Variants in TIPIN observed in about 807,000 individuals in gnomAD.
TIPIN encodes the protein TIMELESS-interacting protein.
Under a neutral mutation model 35.6 loss-of-function variants are expected in TIPIN, and 29 were observed. The observed-to-expected ratio is 0.82, with a 90% confidence interval of 0.61 to 1.11. TIPIN has a LOEUF of 1.11. Ranked by LOEUF, TIPIN falls within the 50% of genes most tolerant of loss-of-function variation. The pLI is 0.00. For missense variants in TIPIN, 296 were observed against 345.4 expected, an observed-to-expected ratio of 0.86 and a Z score of 1.13; for synonymous variants, 102 against 121.5, an observed-to-expected ratio of 0.84 and a Z score of 1.06.
At chr15:66,359,200 A>C (rs1244049492), upstream of TIPIN, among the ~76,000 whole-genome samples, 2 of 140,308 alleles carry the variant, frequency 1.4e-5, no homozygotes, top group Middle Eastern at 3.5e-3. Flanking sequence ...CACACACACA[A>C]AGATAGAAAG....
At position 66,337,438 on chromosome 15, in the gene TIPIN, C is replaced by T. The variant is rs1245253870; in HGVS notation, c.683-257G>A. Reference sequence around the variant, plus strand: ...CCGGGTTCAAGTGATTCTCCTGCCTCAGCCTCCCGAGTAGCTGGGATTACA... The same window carrying T: ...CCGGGTTCAAGTGATTCTCCTGCCTTAGCCTCCCGAGTAGCTGGGATTACA... On this transcript the variant is annotated intron_variant, in intron 7 of 7. Coordinates refer to ENST00000261881, the MANE Select transcript of TIPIN (RefSeq NM_017858.3). Among the ~76,000 whole-genome samples, 6 of 150,786 alleles carry T rather than the reference C, an allele frequency of 4.0e-5. No homozygotes were observed. In the South Asian group the frequency reaches 6.3e-4, roughly 16 times the overall value.
upstream of TIPIN, among the ~76,000 whole-genome samples, chr15:66,358,427 CTCTG>C (rs751520504): frequency 3.2e-4 from 48 of 151,648 alleles, no homozygotes; most frequent in Middle Eastern, 3.4e-3. Context: ...CTTTCTTTCT[CTCTG>C]TCTTTTTTTT....
chr15:66,356,920 T>C (rs1479700486), upstream of TIPIN, among the ~76,000 whole-genome samples: 1 of 146,564 alleles, frequency 6.8e-6, no homozygotes, highest in Non-Finnish European at 1.5e-5. Context: ...GGGGTTTTTC[T>C]TTTTTTTTTT....
At chr15:66,355,105 C>T (rs1202150040) in intron 1 of TIPIN, among the ~76,000 whole-genome samples, 1 of 145,534 alleles carries the variant, frequency 6.9e-6, no homozygotes, top group Admixed American at 7.2e-5. Context: ...GCGATCTCTG[C>T]TCACTGCAAG....
chr15:66,370,016 G>C (rs971620321), intron 1 of TIPIN, among the ~76,000 whole-genome samples: 8 of 152,180 alleles, frequency 5.3e-5, no homozygotes, highest in African/African-American at 1.9e-4. Flanking sequence ...GTATTTGAAT[G>C]AATGTCCTGG....
intron 6 of TIPIN, among the ~76,000 whole-genome samples, chr15:66,348,570 C>G (rs2093144445): frequency 6.6e-6 from 1 of 151,260 alleles, no homozygotes; most frequent in African/African-American, 2.4e-5. Flanking sequence ...TGCCTGTGAT[C>G]CCAGCTACTC....
intron 1 of TIPIN, among the ~76,000 whole-genome samples, chr15:66,364,158 CTTTTTTTTTTTTT>C (rs747825457): frequency 1.4e-5 from 1 of 73,794 alleles, no homozygotes; most frequent in African/African-American, 5.9e-5. Flanking sequence ...TCTTTCTTTT[CTTTTTTTTTTTTT>C]TTTTTTTTTT....
chr15:66,354,497 G>A (rs1213738444), intron 1 of TIPIN, among the ~76,000 whole-genome samples: 1 of 151,968 alleles, frequency 6.6e-6, no homozygotes, highest in Admixed American at 6.6e-5. Flanking sequence ...TCATCCACTC[G>A]TCTCCTTCAA....
intron 1 of TIPIN, among the ~76,000 whole-genome samples, chr15:66,378,550 C>T (rs549862054): frequency 1.1e-4 from 17 of 152,124 alleles, no homozygotes; most frequent in Middle Eastern, 3.4e-3. Context: ...GGTGTTTTTT[C>T]TCCATGGAGA....
Position 66,337,029 on chromosome 15 carries a change from G to A in TIPIN, c.835C>T (p.Leu279=), listed in dbSNP as rs1193707357. 1.2e-6 allele frequency: 2 copies of A among 1,614,074 alleles called. No homozygotes were observed. The highest frequency in any genetic ancestry group is 4.5e-5 in the East Asian group (2 of 44,866). ...TGCACATTTTTAAAAGACTGGTCCA[G>A]CAGTGTTTCCTCTTCATTTAAAGTA... ...ANTLNEEETL[L]DQSFKNVQQQ... Residue 279 remains leucine, a synonymous_variant, in exon 8 of 8, where the codon CTG becomes TTG. Coordinates refer to ENST00000261881, the MANE Select transcript of TIPIN (RefSeq NM_017858.3).
chr15:66,347,565 C>T (rs922112320), intron 6 of TIPIN, among the ~76,000 whole-genome samples: 3 of 152,090 alleles, frequency 2.0e-5, no homozygotes, highest in African/African-American at 4.8e-5. Context: ...ATTTGATATA[C>T]AACATTCTAG....
intron 5 of TIPIN, 31 bp downstream of exon 5, chr15:66,349,284 G>C: frequency 6.2e-7 from 1 of 1,610,214 alleles, no homozygotes; most frequent in Middle Eastern, 2.0e-4. Context: ...TTTAGCATGT[G>C]AATGATATTT....
intron 1 of TIPIN, chr15:66,383,478 G>T: frequency 1.2e-5 from 5 of 409,114 alleles, no homozygotes; most frequent in Non-Finnish European, 1.6e-5. Context: ...GGCCAGGCTT[G>T]GTCTTGAACT....
intron 6 of TIPIN, among the ~76,000 whole-genome samples, chr15:66,344,421 C>T (rs1262791043): frequency 6.8e-6 from 1 of 146,038 alleles, no homozygotes; most frequent in Admixed American, 6.8e-5. Flanking sequence ...GTCTCTATTA[C>T]AAAAAAAAGT....
At chr15:66,365,401 T>C (rs2093249705) in intron 1 of TIPIN, among the ~76,000 whole-genome samples, 1 of 152,206 alleles carries the variant, frequency 6.6e-6, no homozygotes, top group Non-Finnish European at 1.5e-5. Context: ...CTATATAGTC[T>C]AAAAAGGGGA....
At chr15:66,374,682 C>T (rs562705955) in intron 1 of TIPIN, among the ~76,000 whole-genome samples, 59 of 152,216 alleles carry the variant, frequency 3.9e-4, no homozygotes, top group Non-Finnish European at 6.9e-4. Context: ...CAGGTTCAAG[C>T]GATTTTCCTG....
intron 1 of TIPIN, among the ~76,000 whole-genome samples, chr15:66,385,827 C>T (rs1314471051): frequency 2.0e-5 from 3 of 151,084 alleles, no homozygotes; most frequent in Non-Finnish European, 4.4e-5. Context: ...CTCTGTAGCC[C>T]TGGCTGGTGT....
intron 1 of TIPIN, chr15:66,379,203 G>C (rs2093309027): frequency 3.2e-6 from 4 of 1,264,132 alleles, no homozygotes; most frequent in Admixed American, 5.7e-5. Flanking sequence ...TTGCATCTTT[G>C]ATGCACCTGG....
intron 1 of TIPIN, among the ~76,000 whole-genome samples, chr15:66,364,158 CTT>C (rs747825457): frequency 6.2e-4 from 46 of 73,784 alleles, no homozygotes; most frequent in South Asian, 2.0e-3. Context: ...TCTTTCTTTT[CTT>C]TTTTTTTTTT....
Sources: gnomAD v4.1 joint callset for allele counts (sites outside exome capture counted in the v4.1 genomes callset) on GRCh38, gnomAD v4.1.1 for gene constraint, MANE v1.5 for transcripts, NCBI Gene and HGNC (gene_info 2026-07-23, HGNC 2026-07-21) for gene names.